Variants in LAMA2 observed in about 807,000 individuals in gnomAD.
LAMA2 encodes the protein laminin subunit alpha 2, also known as laminin subunit alpha-2.
A neutral mutation model predicts 364.8 loss-of-function variants in LAMA2; 269 were observed. That is an observed-to-expected ratio of 0.74 (90% CI 0.67 to 0.82). The LOEUF (loss-of-function observed/expected upper bound fraction) is 0.82. Ranked by LOEUF, LAMA2 falls within the 40% of genes least tolerant of loss-of-function variation. LAMA2 has a pLI of 0.00. For missense variants in LAMA2, 3,807 were observed against 3,873.2 expected (o/e 0.98, Z 0.45); for synonymous variants, 1,379 against 1,370.6 (o/e 1.01, Z -0.14).
chr6:129,175,016 A>G (rs986907581), intron 9 of LAMA2, among the ~76,000 whole-genome samples: 3 of 152,238 alleles, frequency 2.0e-5, no homozygotes, highest in Non-Finnish European at 4.4e-5. Context: ...TGGAAATTTT[A>G]ACATCAGAAA....
At chr6:128,961,458 G>A (rs1399715627) in intron 1 of LAMA2, among the ~76,000 whole-genome samples, 9 of 144,328 alleles carry the variant, frequency 6.2e-5, no homozygotes, top group South Asian at 4.4e-4. Flanking sequence ...TAACTTACTC[G>A]ATCACAAGGT....
At chr6:128,972,241 A>C (rs1042878303) in intron 1 of LAMA2, among the ~76,000 whole-genome samples, 2 of 152,172 alleles carry the variant, frequency 1.3e-5, no homozygotes, top group Non-Finnish European at 2.9e-5. Flanking sequence ...AATCTGTTCT[A>C]TTCACTGTCT....
intron 1 of LAMA2, among the ~76,000 whole-genome samples, chr6:128,956,280 T>C (rs1781139791): frequency 1.3e-5 from 2 of 152,126 alleles, no homozygotes; most frequent in South Asian, 4.1e-4. Context: ...TTCTGTGAAA[T>C]TTCAGAGCTG....
intron 1 of LAMA2, among the ~76,000 whole-genome samples, chr6:128,990,730 C>T (rs895146000): frequency 6.6e-6 from 1 of 151,904 alleles, no homozygotes; most frequent in African/African-American, 2.4e-5. Context: ...TATTAAAAAG[C>T]TTTAATCTGA....
chr6:129,185,305 G>C (rs1781162295), intron 10 of LAMA2, among the ~76,000 whole-genome samples: 1 of 151,764 alleles, frequency 6.6e-6, no homozygotes, highest in South Asian at 2.1e-4. Context: ...AAACTGTACT[G>C]AGGAAACTAT....
Position 129,192,858 on chromosome 6 carries a change from G to A in LAMA2, c.1782+5G>A. ...GCTCCCTATCTGGGAAACAAAGTAA[G>A]TCCACGCTTGCTTCCCGCTATTCTG... On this transcript the variant is annotated splice_donor_5th_base_variant and intron_variant, in intron 12 of 64. Coordinates refer to ENST00000421865, the MANE Select transcript of LAMA2 (RefSeq NM_000426.4). 6.2e-7 allele frequency: 1 copy of A among 1,613,510 alleles called. No individual in the cohort carries two copies. Among genetic ancestry groups the A allele is most frequent in the Non-Finnish European group, 8.5e-7 (1 of 1,179,690 alleles).
intron 1 of LAMA2, among the ~76,000 whole-genome samples, chr6:128,889,043 C>T (rs1335451058): frequency 6.6e-6 from 1 of 152,186 alleles, no homozygotes; most frequent in East Asian, 1.9e-4. Flanking sequence ...TTCCCTTTGG[C>T]AACTCAGTGC....
intron 1 of LAMA2, among the ~76,000 whole-genome samples, chr6:128,993,314 A>G (rs1051652126): frequency 6.6e-6 from 1 of 152,258 alleles, no homozygotes; most frequent in Non-Finnish European, 1.5e-5. Flanking sequence ...ATGAGTGAAC[A>G]GTTGCGTCTC....
chr6:129,041,612 T>G (rs773635787), intron 1 of LAMA2, among the ~76,000 whole-genome samples: 5 of 152,244 alleles, frequency 3.3e-5, no homozygotes, highest in African/African-American at 4.8e-5. Flanking sequence ...GTCATATTTC[T>G]ATAGATTTTT....
chr6:129,413,441 T>C (rs570600792), intron 40 of LAMA2, among the ~76,000 whole-genome samples: 1 of 152,234 alleles, frequency 6.6e-6, no homozygotes, highest in East Asian at 1.9e-4. Context: ...AATGGCCTTA[T>C]AGAACTCTAT....
At chr6:129,186,355 G>A (rs568781260) in intron 10 of LAMA2, among the ~76,000 whole-genome samples, 4 of 151,574 alleles carry the variant, frequency 2.6e-5, no homozygotes, top group East Asian at 1.9e-4. Context: ...TTCATCATTC[G>A]ATATTTAGGT....
intron 12 of LAMA2, among the ~76,000 whole-genome samples, chr6:129,204,998 C>A (rs1334909943): frequency 6.6e-6 from 1 of 152,060 alleles, no homozygotes; most frequent in South Asian, 2.1e-4. Context: ...GGAAAGTCAA[C>A]CAAATGAATA....
chr6:129,290,994 A>G (rs2114430326), intron 19 of LAMA2, among the ~76,000 whole-genome samples: 1 of 152,290 alleles, frequency 6.6e-6, no homozygotes, highest in South Asian at 2.1e-4. Flanking sequence ...TTCACCTCAA[A>G]CCATTTTTTA....
At chr6:128,930,599 C>T (rs569881310) in intron 1 of LAMA2, among the ~76,000 whole-genome samples, 3 of 152,220 alleles carry the variant, frequency 2.0e-5, no homozygotes, top group Admixed American at 6.5e-5. Flanking sequence ...GCAAGAAATA[C>T]ACGTCCTTGC....
intron 1 of LAMA2, among the ~76,000 whole-genome samples, chr6:128,989,217 G>C (rs1783453067): frequency 6.6e-6 from 1 of 152,090 alleles, no homozygotes; most frequent in African/African-American, 2.4e-5. Context: ...GAATATGTAT[G>C]AGAAACATTT....
At chr6:129,254,159 T>C (rs1786466075) in intron 14 of LAMA2, among the ~76,000 whole-genome samples, 1 of 152,206 alleles carries the variant, frequency 6.6e-6, no homozygotes, top group South Asian at 2.1e-4. Flanking sequence ...CACAAGTAAA[T>C]TGAAGCTCAA....
rs566161695 is a variant in LAMA2 at position 128,989,061 on chromosome 6, A to G, written c.113-60857A>G. Among the ~76,000 whole-genome samples the G allele has an allele frequency of 7.2e-5, 11 of 152,334 alleles. 1 individual carries two copies. In the South Asian group the frequency reaches 2.1e-3, roughly 29 times the overall value. On this transcript the variant is annotated intron_variant, in intron 1 of 64. Coordinates refer to ENST00000421865, the MANE Select transcript of LAMA2 (RefSeq NM_000426.4). ...AGAATGATTATCTAGAAGATGTTATACATGTTATAATTATCTTTAAGTCTG... is the reference window on the plus strand; with the variant it reads ...AGAATGATTATCTAGAAGATGTTATGCATGTTATAATTATCTTTAAGTCTG...
chr6:129,141,516 C>T (rs1778124115), intron 4 of LAMA2, among the ~76,000 whole-genome samples: 1 of 151,972 alleles, frequency 6.6e-6, no homozygotes, highest in Admixed American at 6.6e-5. Flanking sequence ...TATCATGAGG[C>T]ATTTTGAGTC....
At chr6:129,462,567 A>AT (rs913561058) in intron 49 of LAMA2, among the ~76,000 whole-genome samples, 1 of 151,826 alleles carries the variant, frequency 6.6e-6, no homozygotes, top group Non-Finnish European at 1.5e-5. Flanking sequence ...ATAATCCTAT[A>AT]TTTTTTAATG....
Sources: gnomAD v4.1 joint callset for allele counts (sites outside exome capture counted in the v4.1 genomes callset) on GRCh38, gnomAD v4.1.1 for gene constraint, MANE v1.5 for transcripts, NCBI Gene and HGNC (gene_info 2026-07-23, HGNC 2026-07-21) for gene names.